The following DOCK2 variants were observed in gnomAD, a reference collection of about 807,000 sequenced individuals.
The protein encoded by DOCK2 is dedicator of cytokinesis 2, also known as dedicator of cytokinesis protein 2.
A neutral mutation model predicts 248.9 loss-of-function variants in DOCK2; 87 were observed. The observed-to-expected ratio is 0.35, with a 90% CI of 0.29 to 0.42. The LOEUF is 0.42. DOCK2 is among the 10% of genes least tolerant of loss of function. The pLI is 1.00. For synonymous variants in DOCK2, 805 were observed against 821.6 expected, an observed-to-expected ratio of 0.98 and a Z score of 0.35; for missense variants, 1,747 against 2,300.2, an observed-to-expected ratio of 0.76 and a Z score of 4.92.
At chr5:169,778,682 A>T (rs1004977754) in intron 25 of DOCK2, among the ~76,000 whole-genome samples, 2 of 152,240 alleles carry the variant, frequency 1.3e-5, no homozygotes, top group African/African-American at 4.8e-5. Context: ...GAATTTGCAC[A>T]TTGGGCATAT....
At chr5:170,017,509 C>T (rs934319338) in intron 32 of DOCK2, among the ~76,000 whole-genome samples, 21 of 152,144 alleles carry the variant, frequency 1.4e-4, no homozygotes, top group African/African-American at 4.1e-4. Context: ...CTGCTCAATA[C>T]GGCTCCCCTT....
rs541518467 is a variant in DOCK2, at chr5:169,903,984, C to T, written c.2799+63132C>T. On this transcript the variant is annotated intron_variant, in intron 27 of 51. Transcript: ENST00000520908. The stretch of plus-strand genomic sequence containing the variant: ...GCGTGGTCCTGTAATCCCAGTTACT[C>T]GGGAGGGCTGAGGCATGAGAATTGC... Among the ~76,000 whole-genome samples, 24 of 149,040 alleles carry T rather than the reference C, an allele frequency of 1.6e-4. No individual in the cohort carries two copies. In the South Asian group the frequency reaches 4.7e-3, roughly 29 times the overall value.
intron 41 of DOCK2, 59 bp downstream of exon 41, chr5:170,050,456 C>A: frequency 6.4e-7 from 1 of 1,553,188 alleles, no homozygotes; most frequent in South Asian, 1.2e-5. Flanking sequence ...GCCAGGGCTG[C>A]AGCCCACAAA....
intron 27 of DOCK2, among the ~76,000 whole-genome samples, chr5:169,953,040 G>A (rs1776726378): frequency 6.6e-6 from 1 of 152,216 alleles, no homozygotes; most frequent in East Asian, 1.9e-4. Context: ...AAGAGAATTT[G>A]GGGCCAGGCA....
Position 169,714,152 on chromosome 5 carries a change from G to A in DOCK2, c.1784G>A (p.Ser595Asn), listed in dbSNP as rs1336089517. 1.2e-6 allele frequency: 2 copies of A among 1,613,582 alleles called. No individual in the cohort carries two copies. Among genetic ancestry groups the A allele is most frequent in the African/African-American group, 2.7e-5 (2 of 74,916 alleles). The change falls in exon 18 of 52, where the codon AGC becomes AAC. Residue 595 changes from serine (S) to asparagine (N), a missense_variant. Around this residue, in one of 4 missense-constraint regions of DOCK2, gnomAD observed 858 missense variants for 1,183.5 expected, o/e 0.72. Coordinates refer to ENST00000520908, the MANE Select transcript of DOCK2 (RefSeq NM_004946.3). ...AGCAGTGTTGGGGGGCTTTCTGTCAGCTCCCGGGATGTGTTCTCCATTTCC... is the reference window on the plus strand; with the variant it reads ...AGCAGTGTTGGGGGGCTTTCTGTCAACTCCCGGGATGTGTTCTCCATTTCC... Reference protein sequence around the residue: ...SSSSVGGLSVSSRDVFSISTL... With the variant: ...SSSSVGGLSVNSRDVFSISTL...
chr5:170,030,654 A>G (rs1454203912), intron 34 of DOCK2, among the ~76,000 whole-genome samples: 4 of 152,334 alleles, frequency 2.6e-5, no homozygotes, highest in Admixed American at 2.0e-4. Flanking sequence ...GTGTCATGTT[A>G]GTGCTCAGAA....
chr5:169,963,754 C>T (rs1013639601), intron 27 of DOCK2, among the ~76,000 whole-genome samples: 2 of 152,132 alleles, frequency 1.3e-5, no homozygotes, highest in African/African-American at 4.8e-5. Flanking sequence ...CTTCCTTCCC[C>T]CTAGCATCAT....
chr5:169,768,026 G>T (rs1445893085), intron 25 of DOCK2, among the ~76,000 whole-genome samples: 1 of 152,192 alleles, frequency 6.6e-6, no homozygotes, highest in Non-Finnish European at 1.5e-5. Flanking sequence ...TATGCCTTTT[G>T]TCCCTCCTGA....
chr5:169,717,886 A>G (rs1761990057), intron 21 of DOCK2, among the ~76,000 whole-genome samples: 1 of 152,136 alleles, frequency 6.6e-6, no homozygotes, highest in African/African-American at 2.4e-5. Flanking sequence ...ACATGGTGAA[A>G]CCCTGTCTCT....
chr5:169,847,498 A>C (rs1770384688), intron 27 of DOCK2, among the ~76,000 whole-genome samples: 1 of 152,196 alleles, frequency 6.6e-6, no homozygotes, highest in Admixed American at 6.5e-5. Flanking sequence ...AGAACAGGAA[A>C]AAAATTCTAC....
At chr5:169,919,737 G>A (rs1019779754) in intron 27 of DOCK2, among the ~76,000 whole-genome samples, 11 of 152,086 alleles carry the variant, frequency 7.2e-5, no homozygotes, top group African/African-American at 2.7e-4. Context: ...CTGAGTCCCC[G>A]CGAAACCTGC....
At chr5:169,872,981 T>A (rs1405914544) in intron 27 of DOCK2, among the ~76,000 whole-genome samples, 1 of 152,190 alleles carries the variant, frequency 6.6e-6, no homozygotes, top group East Asian at 1.9e-4. Context: ...GTAATGATTA[T>A]TACACTAACT....
At chr5:169,804,485 T>TGC (rs1479245337) in intron 26 of DOCK2, among the ~76,000 whole-genome samples, 2,948 of 67,968 alleles carry the variant, frequency 0.043, 106 homozygotes, top group East Asian at 0.092. Context: ...TGTGTGTGTG[T>TGC]GCGCGCGCGC....
intron 23 of DOCK2, among the ~76,000 whole-genome samples, chr5:169,754,907 G>T (rs1764107303): frequency 1.6e-5 from 1 of 64,194 alleles, no homozygotes; most frequent in Non-Finnish European, 3.3e-5. Flanking sequence ...TCCAATAATG[G>T]TTCCTATTTT....
At chr5:170,015,377 G>A (rs1405480267) in intron 32 of DOCK2, among the ~76,000 whole-genome samples, 1 of 152,162 alleles carries the variant, frequency 6.6e-6, no homozygotes, top group Non-Finnish European at 1.5e-5. Flanking sequence ...CCTGACCCAG[G>A]CTGTCAGACT....
chr5:169,952,811 C>G (rs1466644849), intron 27 of DOCK2, among the ~76,000 whole-genome samples: 1 of 152,002 alleles, frequency 6.6e-6, no homozygotes, highest in Non-Finnish European at 1.5e-5. Context: ...GAGAGTGAAG[C>G]CACCAGAATA....
chr5:169,819,999 A>C (rs1252645594), intron 26 of DOCK2, among the ~76,000 whole-genome samples: 2 of 152,338 alleles, frequency 1.3e-5, no homozygotes, highest in Non-Finnish European at 2.9e-5. Flanking sequence ...GGAGGGTCCC[A>C]TGCCCATGGA....
At chr5:169,946,849 G>T (rs1776471194) in intron 27 of DOCK2, among the ~76,000 whole-genome samples, 1 of 152,214 alleles carries the variant, frequency 6.6e-6, no homozygotes, top group South Asian at 2.1e-4. Flanking sequence ...GGGCCTTTAG[G>T]CTGGACCTGA....
intron 34 of DOCK2, 148 bp from the exon 35 acceptor site, chr5:170,034,251 T>C: frequency 1.0e-6 from 1 of 979,994 alleles, no homozygotes; most frequent in Non-Finnish European, 1.5e-6. Flanking sequence ...ACTATATGGA[T>C]AAATACATGA....
Sources: allele counts gnomAD v4.1 joint callset (sites outside exome capture counted in the v4.1 genomes callset), GRCh38; gene constraint gnomAD v4.1.1; regional missense constraint gnomAD v4.1.1; transcripts MANE v1.5; gene names NCBI Gene and HGNC (gene_info 2026-07-23, HGNC 2026-07-21).